Variants in CFAP47 observed in about 807,000 individuals in gnomAD.
CFAP47 encodes the protein cilia- and flagella-associated protein 47.
A neutral mutation model predicts 148.1 loss-of-function variants in CFAP47; 29 were observed. The observed-to-expected ratio is 0.20, with a 90% CI of 0.15 to 0.27. CFAP47 has a LOEUF of 0.27. CFAP47 is among the 10% of genes least tolerant of loss of function. CFAP47 has a pLI of 1.00. For missense variants in CFAP47, 1,872 were observed against 1,697.5 expected, an observed-to-expected ratio of 1.10 and a Z score of -1.81; for synonymous variants, 664 against 577.3, an observed-to-expected ratio of 1.15 and a Z score of -2.15.
chrX:36,251,486 C>A, intron 49 of CFAP47, 42 bp downstream of exon 49: 1 of 447,658 alleles, frequency 2.2e-6, no homozygotes, highest in Non-Finnish European at 3.9e-6. Context: ...TTTCCTACTA[C>A]GCTAAGATGG....
At chrX:36,073,645 G>A (rs1937796492) in intron 29 of CFAP47, among the ~76,000 whole-genome samples, 1 of 110,671 alleles carries the variant, frequency 9.0e-6, no homozygotes, top group African/African-American at 3.3e-5. Context: ...TCTGTGATAT[G>A]AGGAAGGTTA....
At chrX:35,924,635 A>G (rs1201341553) in intron 1 of CFAP47, among the ~76,000 whole-genome samples, 1 of 109,463 alleles carries the variant, frequency 9.1e-6, no homozygotes, top group Admixed American at 9.7e-5. Context: ...TGATTGAGCA[A>G]CATTTTTATT....
At position 36,230,332 on chromosome X, in the gene CFAP47, G is replaced by T. The variant is rs1400051519; in HGVS notation, c.7014+1508G>T. Among the ~76,000 whole-genome samples, 5 of 107,977 alleles carry T rather than the reference G, an allele frequency of 4.6e-5. No homozygotes were observed. In the Admixed American group the frequency reaches 5.0e-4, roughly 11 times the overall value. 93.8% of individuals were successfully genotyped at this position (107,977 alleles called of 115,157 possible). A position where few individuals can be genotyped will look rare whatever the true frequency, so the allele number is the denominator to read the frequency against. Reference sequence around the variant, plus strand: ...TGGTGTGAGATGGTATCTCATTGTGGTTTTGATTTGCATTTCTCTGATGGC... The same window carrying T: ...TGGTGTGAGATGGTATCTCATTGTGTTTTTGATTTGCATTTCTCTGATGGC... On this transcript the variant is annotated intron_variant, in intron 46 of 63. Transcript: ENST00000378653.
At chrX:35,957,373 C>T (rs961216931) in intron 8 of CFAP47, among the ~76,000 whole-genome samples, 1 of 111,247 alleles carries the variant, frequency 9.0e-6, no homozygotes, top group African/African-American at 3.3e-5. Flanking sequence ...CTTATGTTAT[C>T]ATATTTCTTC....
intron 39 of CFAP47, among the ~76,000 whole-genome samples, chrX:36,172,593 G>T (rs1226838920): frequency 9.0e-6 from 1 of 110,563 alleles, no homozygotes; most frequent in Non-Finnish European, 1.9e-5. Flanking sequence ...TTATATGCTG[G>T]ATTACATTTA....
chrX:35,984,122 A>G (rs1936683183), intron 15 of CFAP47, among the ~76,000 whole-genome samples: 1 of 111,394 alleles, frequency 9.0e-6, no homozygotes, highest in South Asian at 3.7e-4. Flanking sequence ...GGTTTCTACT[A>G]CTGATTAAAT....
chrX:36,243,647 GTATATATATATATATATA>G (rs58640112), intron 48 of CFAP47, among the ~76,000 whole-genome samples: 19 of 64,231 alleles, frequency 3.0e-4, no homozygotes, highest in South Asian at 2.2e-3. Flanking sequence ...ATATGTGTGT[GTATATATATATATATATA>G]TATATATATA....
intron 23 of CFAP47, among the ~76,000 whole-genome samples, chrX:36,035,491 T>G (rs1303722684): frequency 9.0e-6 from 1 of 111,692 alleles, no homozygotes; most frequent in Non-Finnish European, 1.9e-5. Flanking sequence ...TGGAATAATG[T>G]GTCTACCACT....
chrX:36,256,242 A>G (rs782357209), intron 49 of CFAP47, among the ~76,000 whole-genome samples: 18 of 112,099 alleles, frequency 1.6e-4, no homozygotes, highest in Non-Finnish European at 3.4e-4. Flanking sequence ...GTTTTGCACA[A>G]GACTAGTATA....
At chrX:36,069,269 C>T (rs961823116) in intron 27 of CFAP47, among the ~76,000 whole-genome samples, 7 of 111,130 alleles carry the variant, frequency 6.3e-5, no homozygotes, top group Non-Finnish European at 1.3e-4. Flanking sequence ...CCATAGACTG[C>T]AAATACATGG....
chrX:36,122,861 A>G (rs992325983), intron 33 of CFAP47, among the ~76,000 whole-genome samples: 4 of 111,349 alleles, frequency 3.6e-5, no homozygotes, highest in African/African-American at 1.3e-4. Context: ...TGATGCTTGT[A>G]TATGTTCTTC....
intron 59 of CFAP47, among the ~76,000 whole-genome samples, chrX:36,351,034 A>G (rs1454154499): frequency 8.9e-6 from 1 of 111,995 alleles, no homozygotes; most frequent in African/African-American, 3.2e-5. Context: ...TTGTAAATAA[A>G]AAAGAGTTAG....
chrX:36,344,153 C>T (rs1328958968), intron 57 of CFAP47, among the ~76,000 whole-genome samples: 4 of 106,711 alleles, frequency 3.7e-5, no homozygotes, highest in Admixed American at 2.1e-4. Flanking sequence ...GTGGGTGCAG[C>T]GCACCAGCAT....
At chrX:36,231,237 C>T (rs1255484769) in intron 46 of CFAP47, among the ~76,000 whole-genome samples, 1 of 109,858 alleles carries the variant, frequency 9.1e-6, no homozygotes, top group Admixed American at 9.7e-5. Context: ...ATTCTTCCTA[C>T]CCATGAGCAT....
intron 45 of CFAP47, among the ~76,000 whole-genome samples, chrX:36,216,095 G>A (rs73472884): frequency 0.014 from 1,520 of 111,430 alleles, 30 homozygotes; most frequent in African/African-American, 0.046. Context: ...GTGGGCAGGC[G>A]GTCAGACACT....
chrX:35,973,897 T>C (rs1222850981), intron 13 of CFAP47, among the ~76,000 whole-genome samples: 1 of 112,358 alleles, frequency 8.9e-6, no homozygotes, highest in Non-Finnish European at 1.9e-5. Flanking sequence ...ATGCTTAAAG[T>C]CTAATTGTAA....
chrX:36,310,504 TA>T (rs3841264), intron 55 of CFAP47, among the ~76,000 whole-genome samples: 34,770 of 101,295 alleles, frequency 0.34, 7,341 homozygotes, highest in African/African-American at 0.76. Context: ...TCAAGTTTGT[TA>T]AAAAAAAAAA....
chrX:35,924,120 C>A (rs1247447349), intron 1 of CFAP47, among the ~76,000 whole-genome samples: 1 of 96,759 alleles, frequency 1.0e-5, no homozygotes, highest in Admixed American at 1.1e-4. Context: ...TACATGTATG[C>A]GTACATATAT....
At chrX:36,258,433 T>C (rs962575199) in intron 49 of CFAP47, among the ~76,000 whole-genome samples, 7 of 111,967 alleles carry the variant, frequency 6.3e-5, no homozygotes, top group Non-Finnish European at 1.1e-4. Flanking sequence ...TTTATTATTT[T>C]TATTCTGGAA....
Sources: gnomAD v4.1 joint callset for allele counts (sites outside exome capture counted in the v4.1 genomes callset) on GRCh38, gnomAD v4.1.1 for gene constraint, MANE v1.5 for transcripts, NCBI Gene and HGNC (gene_info 2026-07-23, HGNC 2026-07-21) for gene names.